The following ATL1 variants were observed in gnomAD, a reference collection of about 807,000 sequenced individuals.
ATL1 encodes atlastin-1.
Under a neutral mutation model 75.5 loss-of-function variants are expected in ATL1, and 31 were observed. The ratio of observed to expected loss-of-function variants is 0.41; its 90% CI spans 0.31 to 0.55. The LOEUF is 0.55. ATL1 is among the 20% of genes least tolerant of loss of function. The pLI, the probability that ATL1 is intolerant of heterozygous loss-of-function variation, is 0.27. For synonymous variants in ATL1, 226 were observed against 233.3 expected (o/e 0.97, Z 0.28); for missense variants, 405 against 662.6 (o/e 0.61, Z 4.27).
intron 1 of ATL1, among the ~76,000 whole-genome samples, chr14:50,553,947 C>T (rs1228706853): frequency 4.6e-5 from 7 of 151,884 alleles, no homozygotes; most frequent in Admixed American, 1.3e-4. Context: ...TTGGGGACTC[C>T]GGGCAAAGGG....
chr14:50,610,063 T>G (rs1334902950), intron 6 of ATL1, among the ~76,000 whole-genome samples: 4 of 151,772 alleles, frequency 2.6e-5, no homozygotes, highest in Non-Finnish European at 4.4e-5. Context: ...AAACCTGGAT[T>G]CACACCCGCC....
intron 6 of ATL1, among the ~76,000 whole-genome samples, chr14:50,611,383 G>C (rs2039364774): frequency 6.6e-6 from 1 of 152,048 alleles, no homozygotes; most frequent in Non-Finnish European, 1.5e-5. Context: ...AAATTGTCTT[G>C]TAATTTCCAT....
intron 8 of ATL1, among the ~76,000 whole-genome samples, chr14:50,619,506 A>G (rs1463675631): frequency 1.3e-5 from 2 of 152,066 alleles, no homozygotes; most frequent in Non-Finnish European, 2.9e-5. Flanking sequence ...CCCGGCCCCA[A>G]TTTTTCCATA....
In ATL1 at chr14:50,613,161, C is replaced by T. The variant is rs555626838; in HGVS notation, c.631-98C>T. 1.3e-3 allele frequency: 1,220 copies of T among 917,638 alleles called. 21 individuals carry two copies. The South Asian group carries it at 0.016, about 12-fold the overall frequency. The allele number at this position is 917,638 out of a possible 1,614,324, so 56.8% of individuals were successfully genotyped here. On this transcript the variant is annotated intron_variant, in intron 6 of 13. Transcript: ENST00000358385. ...TTTAATTCAGCAATGTGGGAAAGAACGATATTCAAATGACAGTGATATTAT... is the reference window on the plus strand; with the variant it reads ...TTTAATTCAGCAATGTGGGAAAGAATGATATTCAAATGACAGTGATATTAT...
intron 6 of ATL1, among the ~76,000 whole-genome samples, chr14:50,599,174 A>G (rs2039248695): frequency 6.6e-6 from 1 of 152,208 alleles, no homozygotes. Flanking sequence ...GACAATGTCA[A>G]AGTCAACAAA....
intron 6 of ATL1, among the ~76,000 whole-genome samples, chr14:50,598,452 C>T (rs551489817): frequency 1.3e-5 from 2 of 151,938 alleles, no homozygotes; most frequent in Non-Finnish European, 2.9e-5. Flanking sequence ...CCTCTGCCTC[C>T]CGGGTTCAAG....
In ATL1 at chr14:50,623,338, C is replaced by T; in HGVS notation, c.1119+90C>T. 4.0e-6 allele frequency: 4 copies of T among 1,011,860 alleles called. 1 individual carries two copies. In the South Asian group the frequency reaches 5.4e-5, roughly 14 times the overall value. 62.7% of individuals were successfully genotyped at this position (1,011,860 alleles called of 1,614,324 possible). On this transcript the variant is annotated intron_variant, in intron 11 of 13. Transcript: ENST00000358385. ...CTTTTTTCTTCCATGTTACACTGTA[C>T]ACACATGCAATGAGGTGGCTTTGAC... is the stretch of plus-strand genomic sequence containing the variant.
At chr14:50,548,827 G>C (rs1340775859) in intron 1 of ATL1, among the ~76,000 whole-genome samples, 1 of 152,070 alleles carries the variant, frequency 6.6e-6, no homozygotes, top group Non-Finnish European at 1.5e-5. Flanking sequence ...AATTATGAAA[G>C]GGGGCAGAAT....
rs978994618 is a variant in ATL1 at position 50,632,278 on chromosome 14, A to C, written c.1616A>C (p.His539Pro). 1 of 1,612,936 alleles carries C rather than the reference A, an allele frequency of 6.2e-7. No homozygotes were observed. The highest frequency in any genetic ancestry group is 8.5e-7 in the Non-Finnish European group (1 of 1,179,462). The change falls in exon 14 of 14, where the codon CAT becomes CCT. Residue 539 changes from histidine to proline, a missense_variant. By Grantham distance (77) the His-to-Pro change is moderately conservative. Coordinates refer to ENST00000358385, the MANE Select transcript of ATL1 (RefSeq NM_015915.5). ...SAAATHRHLY[H>P]QAFPTPKSES... ...GCAGCAACCCACAGACATCTGTATCATCAAGCTTTCCCTACACCAAAGTCG... is the reference window on the plus strand; with the variant it reads ...GCAGCAACCCACAGACATCTGTATCCTCAAGCTTTCCCTACACCAAAGTCG...
At chr14:50,563,905 C>A (rs1427522748) in intron 1 of ATL1, among the ~76,000 whole-genome samples, 1 of 151,904 alleles carries the variant, frequency 6.6e-6, no homozygotes, top group Middle Eastern at 3.2e-3. Flanking sequence ...TATAAGAGAT[C>A]TGAGATTCAG....
chr14:50,595,700 A>G (rs957982357), intron 6 of ATL1, 68 bp downstream of exon 6: 11 of 1,387,068 alleles, frequency 7.9e-6, no homozygotes, highest in African/African-American at 2.9e-5. Flanking sequence ...AGGTATATTA[A>G]TTAGGGTCAT....
intron 3 of ATL1, 129 bp from the exon 4 acceptor site, chr14:50,591,406 T>C (rs1044463912): frequency 4.5e-6 from 3 of 668,894 alleles, no homozygotes; most frequent in African/African-American, 3.6e-5. Flanking sequence ...ATTCATGGCA[T>C]GTGTAAGAAA....
chr14:50,600,860 GGGAGGA>G (rs770198626), intron 6 of ATL1, among the ~76,000 whole-genome samples: 1 of 152,106 alleles, frequency 6.6e-6, no homozygotes, highest in Admixed American at 6.6e-5. Context: ...CCAGTACTTT[GGGAGGA>G]GGAGGCAGGA....
chr14:50,555,400 GCCT>G (rs2038753864), upstream of ATL1, among the ~76,000 whole-genome samples: 1 of 152,182 alleles, frequency 6.6e-6, no homozygotes, highest in Non-Finnish European at 1.5e-5. Context: ...TCCTGCCTCA[GCCT>G]CCTGAGTAGC....
At position 50,584,913 on chromosome 14, in the gene ATL1, C is replaced by T. The variant is rs368498591; in HGVS notation, c.35-2918C>T. 7.2e-5 allele frequency among the ~76,000 whole-genome samples: 11 copies of T among 152,050 alleles called. No individual in the cohort carries two copies. In the East Asian group the frequency reaches 7.7e-4, roughly 11 times the overall value. ...CTTAAGGAAAATGAAAAGGCAAACT[C>T]TTAGAAACTAGAAGACTCTTGCTAT... On this transcript the variant is annotated intron_variant, in intron 1 of 13. Coordinates refer to ENST00000358385, the MANE Select transcript of ATL1 (RefSeq NM_015915.5).
chr14:50,620,849 G>A (rs1482248512), intron 9 of ATL1, 123 bp downstream of exon 9: 4 of 1,206,006 alleles, frequency 3.3e-6, no homozygotes, highest in Non-Finnish European at 3.5e-6. Context: ...TCTATAAAAA[G>A]GATTTTAAAA....
At chr14:50,533,655 C>CACTG (rs1485038532) in intron 1 of ATL1, among the ~76,000 whole-genome samples, 1 of 152,156 alleles carries the variant, frequency 6.6e-6, no homozygotes, top group African/African-American at 2.4e-5. Context: ...AACACTCAGC[C>CACTG]ACTGCATTTA....
chr14:50,548,071 A>G (rs1446710196), intron 1 of ATL1, among the ~76,000 whole-genome samples: 3 of 152,110 alleles, frequency 2.0e-5, no homozygotes, highest in Non-Finnish European at 4.4e-5. Context: ...AGAACAGGGG[A>G]TGGGAAGCCA....
intron 1 of ATL1, among the ~76,000 whole-genome samples, chr14:50,575,948 A>G (rs2140190068): frequency 6.6e-6 from 1 of 152,290 alleles, no homozygotes; most frequent in African/African-American, 2.4e-5. Flanking sequence ...CTAAGTCCCT[A>G]TAGTGATTGA....
Sources: gnomAD v4.1 joint callset for allele counts (sites outside exome capture counted in the v4.1 genomes callset) on GRCh38, gnomAD v4.1.1 for gene constraint, MANE v1.5 for transcripts, NCBI Gene and HGNC (gene_info 2026-07-23, HGNC 2026-07-21) for gene names.